SLCO3A1: variants seen among roughly 807,000 people sequenced by gnomAD.
The protein encoded by SLCO3A1 is solute carrier organic anion transporter family member 3A1.
Under a neutral mutation model 63.1 loss-of-function variants are expected in SLCO3A1, and 27 were observed. The observed-to-expected ratio is 0.43, with a 90% CI of 0.32 to 0.59. SLCO3A1 has a LOEUF of 0.59. Among genes scored for constraint, SLCO3A1 ranks in the 20% least tolerant of loss-of-function variants. The pLI is 0.09. For synonymous variants in SLCO3A1, 473 were observed against 409.9 expected, an observed-to-expected ratio of 1.15 and a Z score of -1.86; for missense variants, 773 against 945.8, an observed-to-expected ratio of 0.82 and a Z score of 2.40.
At chr15:91,890,062 A>G (rs1023159951) in intron 1 of SLCO3A1, among the ~76,000 whole-genome samples, 13 of 152,378 alleles carry the variant, frequency 8.5e-5, no homozygotes, top group African/African-American at 3.1e-4. Context: ...ATCAGCATGT[A>G]TATTGTGTAA....
At chr15:91,934,095 C>G (rs1009351644) in intron 2 of SLCO3A1, among the ~76,000 whole-genome samples, 3 of 152,114 alleles carry the variant, frequency 2.0e-5, no homozygotes, top group African/African-American at 7.2e-5. Flanking sequence ...ACTCCTGGAT[C>G]AGAGACAAAG....
chr15:91,953,276 G>A (rs1356174297), intron 2 of SLCO3A1, among the ~76,000 whole-genome samples: 1 of 152,226 alleles, frequency 6.6e-6, no homozygotes, highest in Non-Finnish European at 1.5e-5. Flanking sequence ...ATAGACACTT[G>A]TGTTCTTGGT....
At chr15:91,949,906 C>G (rs1395885244) in intron 2 of SLCO3A1, among the ~76,000 whole-genome samples, 3 of 152,078 alleles carry the variant, frequency 2.0e-5, no homozygotes, top group African/African-American at 7.2e-5. Flanking sequence ...ACTCGGGAGG[C>G]TGAGGCAGGA....
chr15:92,019,294 A>AT (rs2046477453), intron 2 of SLCO3A1, among the ~76,000 whole-genome samples: 1 of 152,158 alleles, frequency 6.6e-6, no homozygotes, highest in Non-Finnish European at 1.5e-5. Flanking sequence ...TGTGTTTCTC[A>AT]AAGCCTCAGC....
intron 7 of SLCO3A1, among the ~76,000 whole-genome samples, chr15:92,131,066 A>G (rs2047989580): frequency 6.6e-6 from 1 of 152,118 alleles, no homozygotes; most frequent in East Asian, 1.9e-4. Context: ...TGATCCTCCC[A>G]GCACCCTTGG....
chr15:92,168,939 TA>T (rs1213625514), downstream of SLCO3A1, among the ~76,000 whole-genome samples: 1 of 152,186 alleles, frequency 6.6e-6, no homozygotes, highest in Non-Finnish European at 1.5e-5. Context: ...ATGTTCAAAC[TA>T]GAAAAAGAAG....
At chr15:92,091,349 G>A (rs2047473720) in intron 2 of SLCO3A1, among the ~76,000 whole-genome samples, 1 of 152,182 alleles carries the variant, frequency 6.6e-6, no homozygotes, top group South Asian at 2.1e-4. Context: ...AGAAGGTTCT[G>A]CACCTGGAGG....
At chr15:92,146,948 A>T (rs1471462421) in intron 7 of SLCO3A1, 36 bp from the exon 8 acceptor site, 2 of 1,557,554 alleles carry the variant, frequency 1.3e-6, no homozygotes, top group African/African-American at 2.7e-5. Flanking sequence ...AACCGGAAGT[A>T]CCCCCAGATA....
At chr15:92,101,104 C>T (rs1596101885) in intron 3 of SLCO3A1, among the ~76,000 whole-genome samples, 3 of 152,306 alleles carry the variant, frequency 2.0e-5, no homozygotes, top group African/African-American at 7.2e-5. Context: ...ACACAGAGAA[C>T]TCTCCCTCAA....
intron 5 of SLCO3A1, among the ~76,000 whole-genome samples, chr15:92,121,877 G>A (rs1179201748): frequency 6.6e-6 from 1 of 152,216 alleles, no homozygotes; most frequent in African/African-American, 2.4e-5. Context: ...GTCTCTGTTG[G>A]CTTTAATGAT....
At chr15:91,957,240 T>A (rs1466513143) in intron 2 of SLCO3A1, among the ~76,000 whole-genome samples, 1 of 135,780 alleles carries the variant, frequency 7.4e-6, no homozygotes, top group East Asian at 2.1e-4. Flanking sequence ...ATCCGCTGGC[T>A]AGGATGACAG....
intron 9 of SLCO3A1, among the ~76,000 whole-genome samples, chr15:92,160,906 C>A (rs1035857859): frequency 6.6e-6 from 1 of 152,256 alleles, no homozygotes; most frequent in African/African-American, 2.4e-5. Flanking sequence ...GTTATTCCAG[C>A]AATCATGGAT....
Position 91,865,236 on chromosome 15 carries a change from T to C in SLCO3A1, c.180+11148T>C, listed in dbSNP as rs1897136930. On this transcript the variant is annotated intron_variant, in intron 1 of 9. Transcript: ENST00000318445. The surrounding 1 kb of genome is among the most constrained non-coding windows in gnomAD (Gnocchi z 4.6). ...GGGGACTTGACATTTTATTTAAACT[T>C]TTCCTTTTGTAGAGTTCGTAGGACA... is the stretch of plus-strand genomic sequence containing the variant. Among the ~76,000 whole-genome samples the C allele has an allele frequency of 6.6e-6, 1 of 152,234 alleles. No homozygotes were observed. Among genetic ancestry groups the C allele is most frequent in the South Asian group, 2.1e-4 (1 of 4,834 alleles).
intron 2 of SLCO3A1, among the ~76,000 whole-genome samples, chr15:92,016,251 A>AGATTGATT (rs1555424445): frequency 8.4e-4 from 44 of 52,198 alleles, no homozygotes; most frequent in African/African-American, 5.5e-3. Flanking sequence ...ATAGATAGAT[A>AGATTGATT]GATTAGATAG....
At chr15:91,932,129 C>T (rs1899258053) in intron 2 of SLCO3A1, among the ~76,000 whole-genome samples, 1 of 152,038 alleles carries the variant, frequency 6.6e-6, no homozygotes, top group Admixed American at 6.5e-5. Flanking sequence ...GCTGTTTTTC[C>T]TCAGTAGGAA....
intron 2 of SLCO3A1, among the ~76,000 whole-genome samples, chr15:92,075,076 C>A (rs868834925): frequency 6.6e-6 from 1 of 152,254 alleles, no homozygotes; most frequent in Non-Finnish European, 1.5e-5. Flanking sequence ...ACCTGAATAC[C>A]CTTGGTGGTG....
chr15:91,918,107 T>A (rs905467361), intron 2 of SLCO3A1, among the ~76,000 whole-genome samples: 1 of 152,160 alleles, frequency 6.6e-6, no homozygotes, highest in African/African-American at 2.4e-5. Context: ...TGTCTCCTGA[T>A]GAGTTAAGCT....
chr15:91,910,425 A>G (rs1403434137), intron 1 of SLCO3A1, among the ~76,000 whole-genome samples: 1 of 152,216 alleles, frequency 6.6e-6, no homozygotes, highest in Non-Finnish European at 1.5e-5. Context: ...TGTTTCTTGC[A>G]TCTATCACAG....
intron 1 of SLCO3A1, among the ~76,000 whole-genome samples, chr15:91,887,154 T>G (rs1897744868): frequency 6.6e-6 from 1 of 152,206 alleles, no homozygotes; most frequent in South Asian, 2.1e-4. Flanking sequence ...TAGAAGTGCC[T>G]TAGAATTCAG....
Sources: gnomAD v4.1 joint callset for allele counts (sites outside exome capture counted in the v4.1 genomes callset) on GRCh38, gnomAD v4.1.1 for gene constraint, Gnocchi (gnomAD v3.1) non-coding constraint, MANE v1.5 for transcripts, NCBI Gene and HGNC (gene_info 2026-07-23, HGNC 2026-07-21) for gene names.